Variants in PLCH1 observed in about 807,000 individuals in gnomAD.
The protein encoded by PLCH1 is phospholipase C eta 1, also known as 1-phosphatidylinositol 4,5-bisphosphate phosphodiesterase eta-1.
In PLCH1, 60 loss-of-function variants were observed where a neutral mutation model predicts 126.7. That is an observed-to-expected ratio of 0.47 (90% CI 0.38 to 0.59). The LOEUF is 0.59. PLCH1 is among the 20% of genes least tolerant of loss of function. The probability of loss-of-function intolerance (pLI) is 0.00; values close to 1 mark genes in which losing one functional copy is unlikely to be tolerated. For synonymous variants in PLCH1, 719 were observed against 734.9 expected (o/e 0.98, Z 0.35); for missense variants, 1,723 against 2,040.0 (o/e 0.84, Z 2.99).
At chr3:155,579,972 A>G (rs1410013768) in intron 6 of PLCH1, among the ~76,000 whole-genome samples, 1 of 152,208 alleles carries the variant, frequency 6.6e-6, no homozygotes, top group East Asian at 1.9e-4. Context: ...AAAACAGGAC[A>G]GAATTCATAC....
intron 1 of PLCH1, among the ~76,000 whole-genome samples, chr3:155,711,826 A>G (rs944973308): frequency 2.0e-5 from 3 of 152,074 alleles, no homozygotes; most frequent in Non-Finnish European, 4.4e-5. Context: ...GGGGGAAAAA[A>G]AACTTCCTTT....
intron 4 of PLCH1, among the ~76,000 whole-genome samples, chr3:155,592,416 A>G (rs1334886485): frequency 6.7e-6 from 1 of 150,328 alleles, no homozygotes; most frequent in Non-Finnish European, 1.5e-5. Flanking sequence ...AATTGCTTGA[A>G]CCCAGGAGGC....
intron 4 of PLCH1, among the ~76,000 whole-genome samples, 189 bp downstream of exon 4, chr3:155,593,752 T>C (rs1732509382): frequency 6.6e-6 from 1 of 152,164 alleles, no homozygotes; most frequent in East Asian, 1.9e-4. Flanking sequence ...AGCTTAAGTG[T>C]CCATACATTT....
intron 2 of PLCH1, among the ~76,000 whole-genome samples, chr3:155,597,160 C>T (rs532925454): frequency 1.3e-5 from 2 of 152,170 alleles, no homozygotes; most frequent in African/African-American, 4.8e-5. Flanking sequence ...ACATCCTCTA[C>T]CATTTTGTGT....
intron 21 of PLCH1, among the ~76,000 whole-genome samples, chr3:155,460,588 C>T (rs545386727): frequency 6.6e-6 from 1 of 152,110 alleles, no homozygotes; most frequent in Non-Finnish European, 1.5e-5. Context: ...TTAGCCCCCC[C>T]TCCAGGCCAA....
At chr3:155,488,565 C>T in intron 20 of PLCH1, 95 bp downstream of exon 20, 1 of 1,038,922 alleles carries the variant, frequency 9.6e-7, no homozygotes, top group East Asian at 2.5e-5. Context: ...CATATTTTAT[C>T]ACGTATGCTA....
At chr3:155,474,953 G>A, downstream of PLCH1, among the ~76,000 whole-genome samples, 1 of 131,310 alleles carries the variant, frequency 7.6e-6, no homozygotes, top group Non-Finnish European at 1.6e-5. Flanking sequence ...GGGAGGGATA[G>A]CATTGGGAGA....
intron 6 of PLCH1, among the ~76,000 whole-genome samples, chr3:155,573,761 T>C (rs943314529): frequency 2.0e-5 from 3 of 152,110 alleles, no homozygotes; most frequent in African/African-American, 4.8e-5. Flanking sequence ...AGCAGGAAAA[T>C]AGAATTCAAT....
At chr3:155,584,049 G>A (rs967693402) in intron 5 of PLCH1, among the ~76,000 whole-genome samples, 1 of 151,730 alleles carries the variant, frequency 6.6e-6, no homozygotes, top group African/African-American at 2.4e-5. Flanking sequence ...AGAGAGCAAA[G>A]ATTTTAAAAA....
chr3:155,717,075 C>A (rs1165704429), intron 1 of PLCH1, among the ~76,000 whole-genome samples: 1 of 152,248 alleles, frequency 6.6e-6, no homozygotes, highest in Admixed American at 6.5e-5. Flanking sequence ...GCTCAAAACC[C>A]AGCAGGGCAG....
intron 2 of PLCH1, among the ~76,000 whole-genome samples, chr3:155,700,444 T>G (rs1316867585): frequency 1.3e-5 from 2 of 152,194 alleles, no homozygotes; most frequent in Non-Finnish European, 2.9e-5. Flanking sequence ...TAAAAGATAC[T>G]CCTAATTCAG....
At chr3:155,540,121 A>T (rs897205115) in intron 10 of PLCH1, among the ~76,000 whole-genome samples, 1 of 152,222 alleles carries the variant, frequency 6.6e-6, no homozygotes, top group African/African-American at 2.4e-5. Flanking sequence ...GACAAAGCAA[A>T]CAAAAACATA....
At chr3:155,503,172 C>T (rs574382382) in intron 13 of PLCH1, among the ~76,000 whole-genome samples, 39 of 152,258 alleles carry the variant, frequency 2.6e-4, no homozygotes, top group South Asian at 6.2e-4. Context: ...ACCACACATA[C>T]GACGAAATAG....
chr3:155,611,672 A>G (rs968899441), intron 2 of PLCH1, among the ~76,000 whole-genome samples: 2 of 152,208 alleles, frequency 1.3e-5, no homozygotes, highest in African/African-American at 4.8e-5. Flanking sequence ...CAAATGGAAC[A>G]GATATTTACA....
At chr3:155,537,116 G>A (rs1311649358) in intron 10 of PLCH1, among the ~76,000 whole-genome samples, 2 of 148,274 alleles carry the variant, frequency 1.3e-5, no homozygotes, top group Non-Finnish European at 3.0e-5. Flanking sequence ...TCAGACACAC[G>A]CAATAATCCA....
intron 2 of PLCH1, among the ~76,000 whole-genome samples, chr3:155,609,395 A>G (rs551408212): frequency 2.0e-5 from 3 of 152,340 alleles, no homozygotes; most frequent in Non-Finnish European, 4.4e-5. Context: ...TCTGGACAGC[A>G]GCCCTTGAAT....
intron 21 of PLCH1, among the ~76,000 whole-genome samples, chr3:155,487,590 A>C (rs1402853377): frequency 6.6e-6 from 1 of 152,214 alleles, no homozygotes; most frequent in Non-Finnish European, 1.5e-5. Context: ...ATTGGTACCA[A>C]ATGAATGTAG....
chr3:155,477,226 C>T (rs1160587139), downstream of PLCH1, among the ~76,000 whole-genome samples: 2 of 152,066 alleles, frequency 1.3e-5, no homozygotes, highest in Non-Finnish European at 2.9e-5. Flanking sequence ...AGACCCCTAC[C>T]TCTCGCCATA....
At chr3:155,686,467 C>T (rs1029334799) in intron 2 of PLCH1, among the ~76,000 whole-genome samples, 1 of 152,182 alleles carries the variant, frequency 6.6e-6, no homozygotes, top group Admixed American at 6.5e-5. Context: ...AATCAGCAAG[C>T]TGCTCTACTT....
Sources: allele counts gnomAD v4.1 joint callset (sites outside exome capture counted in the v4.1 genomes callset), GRCh38; gene constraint gnomAD v4.1.1; transcripts MANE v1.5; gene names NCBI Gene and HGNC (gene_info 2026-07-23, HGNC 2026-07-21).